The following CSTF3 variants were observed in gnomAD, a reference collection of about 807,000 sequenced individuals.
The protein encoded by CSTF3 is CF-1 77 kDa subunit.
Under a neutral mutation model 105.8 loss-of-function variants are expected in CSTF3, and 29 were observed. The ratio of observed to expected loss-of-function variants is 0.27; its 90% CI spans 0.20 to 0.37. The LOEUF (loss-of-function observed/expected upper bound fraction) is 0.37. Ranked by LOEUF, CSTF3 falls within the 10% of genes least tolerant of loss-of-function variation. The pLI is 1.00. For missense variants in CSTF3, 357 were observed against 879.3 expected (o/e 0.41, Z 7.51); for synonymous variants, 252 against 281.9 (o/e 0.89, Z 1.06).
chr11:33,095,587 C>T lies in CSTF3; in HGVS notation c.1375+719G>A, dbSNP rs571681519. On this transcript the variant is annotated intron_variant, in intron 15 of 20. Transcript: ENST00000323959. ...CTGTAATCCCAGCACTTTGGGAGGC[C>T]GAGGCGGGCGGATCACGAGGTCAGG... 4.6e-5 allele frequency among the ~76,000 whole-genome samples: 7 copies of T among 151,648 alleles called. No individual in the cohort carries two copies. The East Asian group carries it at 1.4e-3, about 30-fold the overall frequency.
chr11:33,101,679 A>C (rs1855282633), intron 10 of CSTF3, among the ~76,000 whole-genome samples: 1 of 152,242 alleles, frequency 6.6e-6, no homozygotes, highest in African/African-American at 2.4e-5. Context: ...ACATTTGTAC[A>C]ATATCTAAAA....
At chr11:33,155,109 C>T (rs769482453) in intron 1 of CSTF3, among the ~76,000 whole-genome samples, 14 of 151,804 alleles carry the variant, frequency 9.2e-5, no homozygotes, top group Non-Finnish European at 1.6e-4. Context: ...GTAATCCCAG[C>T]GCTTTGGAAG....
chr11:33,088,499 C>T (rs1205844091), intron 17 of CSTF3, among the ~76,000 whole-genome samples: 1 of 152,100 alleles, frequency 6.6e-6, no homozygotes, highest in East Asian at 1.9e-4. Context: ...AGGCTGGTCT[C>T]AAACTCCTGA....
In CSTF3 at chr11:33,085,738, A is replaced by G. The variant is rs1270406964; in HGVS notation, c.1926T>C (p.Ile642=). 2 of 1,613,866 alleles carry G rather than the reference A, an allele frequency of 1.2e-6. No homozygotes were observed. Among genetic ancestry groups the G allele is most frequent in the Admixed American group, 1.7e-5 (1 of 60,018 alleles). Reference sequence around the variant, plus strand: ...TATTTGGTATCTTGCATCTTCGGAAAATTTCCATCAGTTCATCCACTTGTA... The same window carrying G: ...TATTTGGTATCTTGCATCTTCGGAAGATTTCCATCAGTTCATCCACTTGTA... ...PFVQVDELME[I]FRRCKIPNTV... is the part of the protein sequence containing the mutation. The change falls in exon 20 of 21, where the codon ATT becomes ATC. Residue 642 remains isoleucine (I), a synonymous_variant. Transcript: ENST00000323959.
At chr11:33,107,192 C>G (rs997020299) in intron 5 of CSTF3, among the ~76,000 whole-genome samples, 3 of 152,060 alleles carry the variant, frequency 2.0e-5, no homozygotes, top group African/African-American at 7.2e-5. Flanking sequence ...TGGCTCTTGC[C>G]TGTAGTCCCA....
At chr11:33,114,840 C>T (rs1254112051) in intron 3 of CSTF3, among the ~76,000 whole-genome samples, 1 of 151,782 alleles carries the variant, frequency 6.6e-6, no homozygotes, top group Non-Finnish European at 1.5e-5. Context: ...AAGAGCGAAA[C>T]TCTGTCTCAA....
chr11:33,160,543 A>G (rs1849926828), intron 1 of CSTF3, among the ~76,000 whole-genome samples: 1 of 152,234 alleles, frequency 6.6e-6, no homozygotes, highest in African/African-American at 2.4e-5. Flanking sequence ...CCTCTTTCAC[A>G]CTAAAAGGTA....
intron 3 of CSTF3, among the ~76,000 whole-genome samples, chr11:33,136,732 G>C (rs1855657365): frequency 6.6e-6 from 1 of 151,906 alleles, no homozygotes; most frequent in Non-Finnish European, 1.5e-5. Flanking sequence ...GTGATATTAT[G>C]AGGGGCTTAC....
intron 1 of CSTF3, among the ~76,000 whole-genome samples, chr11:33,159,902 A>C (rs948190768): frequency 1.5e-3 from 224 of 152,260 alleles, no homozygotes; most frequent in African/African-American, 5.2e-3. Context: ...TTTGCACAAT[A>C]AAACCTTTGG....
At chr11:33,085,639 G>T in intron 20 of CSTF3, 74 bp downstream of exon 20, 2 of 1,337,786 alleles carry the variant, frequency 1.5e-6, no homozygotes, top group South Asian at 1.2e-5. Context: ...TTCAGTGGCA[G>T]AGAATAATAA....
chr11:33,113,243 A>AAATAAATG (rs1291949144), intron 3 of CSTF3, among the ~76,000 whole-genome samples: 2 of 145,866 alleles, frequency 1.4e-5, no homozygotes, highest in Non-Finnish European at 1.5e-5. Flanking sequence ...ATAAATAAAT[A>AAATAAATG]AATGAATAAG....
Position 33,113,037 on chromosome 11 carries a change from G to A in CSTF3, c.226-4619C>T, listed in dbSNP as rs553684149. On this transcript the variant is annotated intron_variant, in intron 3 of 20. Transcript: ENST00000323959. Reference sequence around the variant, plus strand: ...AGCCTGGCCAACATAGTGAAACCCCGTCTCTACTAAAAATATAAAATTAGC... The same window carrying A: ...AGCCTGGCCAACATAGTGAAACCCCATCTCTACTAAAAATATAAAATTAGC... Among the ~76,000 whole-genome samples the A allele has an allele frequency of 1.8e-4, 28 of 151,648 alleles. No individual in the cohort carries two copies. In the East Asian group the frequency reaches 2.3e-3, roughly 13 times the overall value.
At chr11:33,088,553 T>A (rs906646742) in intron 17 of CSTF3, among the ~76,000 whole-genome samples, 1 of 151,978 alleles carries the variant, frequency 6.6e-6, no homozygotes, top group East Asian at 1.9e-4. Flanking sequence ...GTGCTGGGAT[T>A]ACAGGTGTGA....
intron 13 of CSTF3, 45 bp downstream of exon 13, chr11:33,098,645 G>T: frequency 9.0e-7 from 1 of 1,115,874 alleles, no homozygotes; most frequent in Non-Finnish European, 1.3e-6. Context: ...TTTTTTGTTA[G>T]ATAAGACTGT....
Position 33,084,816 on chromosome 11 carries a change from AC to A in CSTF3, c.*270del. 2 of 447,614 alleles carry A rather than the reference AC, an allele frequency of 4.5e-6. No individual in the cohort carries two copies. The highest frequency in any genetic ancestry group is 8.1e-6 in the Non-Finnish European group (2 of 247,984). The allele number at this position is 447,614 out of a possible 1,614,324, so 27.7% of individuals were successfully genotyped here. ...AATCTTCAAGCGGCACATACAAGAC[AC>A]CCTTGAAGAGGGAACAAAATGTGGT... On this transcript the variant is annotated 3_prime_UTR_variant, in exon 21 of 21. Coordinates refer to ENST00000323959, the MANE Select transcript of CSTF3 (RefSeq NM_001326.3).
At position 33,112,318 on chromosome 11, in the gene CSTF3, G is replaced by T. The variant is rs570166004; in HGVS notation, c.226-3900C>A. ...AATCTGCAGTGTGACAAAATGAAAA[G>T]AATTTGATCACATTGCATTAATTAC... On this transcript the variant is annotated intron_variant, in intron 3 of 20. Coordinates refer to ENST00000323959, the MANE Select transcript of CSTF3 (RefSeq NM_001326.3). 1.1e-4 allele frequency among the ~76,000 whole-genome samples: 17 copies of T among 151,572 alleles called. No homozygotes were observed. The South Asian group carries it at 2.7e-3, about 24-fold the overall frequency.
intron 3 of CSTF3, among the ~76,000 whole-genome samples, chr11:33,137,439 C>A (rs1590281503): frequency 6.6e-6 from 1 of 151,728 alleles, no homozygotes; most frequent in African/African-American, 2.4e-5. Context: ...ATCTAAACAT[C>A]TCTGTTATAG....
chr11:33,101,588 T>C (rs1336922754), intron 10 of CSTF3, among the ~76,000 whole-genome samples: 2 of 152,216 alleles, frequency 1.3e-5, no homozygotes, highest in African/African-American at 4.8e-5. Flanking sequence ...AATCTGACAG[T>C]AGTATTTAAC....
intron 3 of CSTF3, among the ~76,000 whole-genome samples, chr11:33,116,898 A>G (rs1371316104): frequency 6.6e-6 from 1 of 151,942 alleles, no homozygotes; most frequent in Non-Finnish European, 1.5e-5. Context: ...AAAACCAGTA[A>G]TGTAGAGGGA....
Sources: allele counts gnomAD v4.1 joint callset (sites outside exome capture counted in the v4.1 genomes callset), GRCh38; gene constraint gnomAD v4.1.1; transcripts MANE v1.5; gene names NCBI Gene and HGNC (gene_info 2026-07-23, HGNC 2026-07-21).